CRLF3: variants seen among roughly 807,000 people sequenced by gnomAD.
CRLF3 encodes the protein cytokine receptor-like factor 3.
CRLF3 carries 33 observed loss-of-function variants against 55.0 expected under a neutral mutation model. That is an observed-to-expected ratio of 0.60 (90% confidence interval 0.46 to 0.80). CRLF3 has a LOEUF of 0.80. CRLF3 is among the 30% of genes least tolerant of loss of function. The pLI, the probability that CRLF3 is intolerant of heterozygous loss-of-function variation, is 0.00. For missense variants in CRLF3, 494 were observed against 538.4 expected (o/e 0.92, Z 0.82); for synonymous variants, 238 against 196.8 (o/e 1.21, Z -1.75).
chr17:30,787,916 C>G (rs994679892), intron 6 of CRLF3, among the ~76,000 whole-genome samples: 33 of 152,000 alleles, frequency 2.2e-4, no homozygotes, highest in African/African-American at 7.7e-4. Flanking sequence ...GAGAGGGTCA[C>G]TTGAACCTGT....
intron 6 of CRLF3, among the ~76,000 whole-genome samples, chr17:30,790,408 C>G (rs1244133797): frequency 1.3e-5 from 2 of 151,764 alleles, no homozygotes; most frequent in African/African-American, 4.8e-5. Flanking sequence ...AACATGAAAA[C>G]AAGAAAAAAG....
rs138498404 is a variant in CRLF3 at position 30,798,883 on chromosome 17, T to C, written c.338-1485A>G. Among the ~76,000 whole-genome samples, 27 of 151,980 alleles carry C rather than the reference T, an allele frequency of 1.8e-4. No homozygotes were observed. In the East Asian group the frequency reaches 4.5e-3, roughly 25 times the overall value. ...AATAAAATCCTCAAAATTCCATAAG[T>C]AAGTTTCTATCCCTCAGGAGAATAG... On this transcript the variant is annotated intron_variant, in intron 2 of 7. Coordinates refer to ENST00000324238, the MANE Select transcript of CRLF3 (RefSeq NM_015986.4).
At position 30,793,515 on chromosome 17, in the gene CRLF3, T is replaced by C. The variant is rs747594834; in HGVS notation, c.761A>G (p.Asp254Gly). The change falls in exon 5 of 8, where the codon GAT (aspartate) becomes GGT (glycine). Residue 254 changes from aspartate (D) to glycine (G), a missense_variant. By Grantham distance (94) the Asp-to-Gly change is moderately conservative. Coordinates refer to ENST00000324238, the MANE Select transcript of CRLF3 (RefSeq NM_015986.4). ...DYQFRVCARG[D>G]GRQEWSPWSV... ...CCAAGGACTCCACTCCTGTCGGCCA[T>C]CTCCTCGGGCGCAGACTCTGAACTG... 6.2e-7 allele frequency: 1 copy of C among 1,614,104 alleles called. No homozygotes were observed. Among genetic ancestry groups the C allele is most frequent in the South Asian group, 1.1e-5 (1 of 91,078 alleles).
chr17:30,799,056 G>A (rs962836222), intron 2 of CRLF3, among the ~76,000 whole-genome samples: 1 of 152,048 alleles, frequency 6.6e-6, no homozygotes, highest in Non-Finnish European at 1.5e-5. Context: ...GGCAAATCAC[G>A]AGGTCAGGAG....
chr17:30,815,037 C>T (rs116987446), intron 1 of CRLF3, among the ~76,000 whole-genome samples: 1 of 151,550 alleles, frequency 6.6e-6, no homozygotes. Flanking sequence ...CAAAAACATA[C>T]CTCTATAACA....
rs1257041941 is a variant in CRLF3 at position 30,784,305 on chromosome 17, A to G, written c.1211T>C (p.Val404Ala). 5 of 1,614,170 alleles carry G rather than the reference A, an allele frequency of 3.1e-6. No homozygotes were observed. Among genetic ancestry groups the G allele is most frequent in the Admixed American group, 3.3e-5 (2 of 60,002 alleles). The change falls in exon 8 of 8, where the codon GTA becomes GCA. Residue 404 changes from valine to alanine, a missense_variant. Val to Ala is a moderately conservative substitution (Grantham distance 64, BLOSUM62 0). Transcript: ENST00000324238. ...NNEGGHFKLRVTISSNNREVV... is the reference protein window; with the variant it reads ...NNEGGHFKLRATISSNNREVV... ...TTCTCTATTATTTGAACTTATAGTT[A>G]CTCGAAGCTTGAAGTGTCCACCTTC...
chr17:30,802,372 C>G (rs55940561), intron 2 of CRLF3, among the ~76,000 whole-genome samples: 20,631 of 151,928 alleles, frequency 0.14, 1,502 homozygotes, highest in South Asian at 0.25. Context: ...CGCCCACCTC[C>G]ACCTCCCAAA....
intron 1 of CRLF3, among the ~76,000 whole-genome samples, chr17:30,816,008 G>A (rs1237870137): frequency 6.6e-6 from 1 of 150,482 alleles, no homozygotes; most frequent in African/African-American, 2.4e-5. Flanking sequence ...TGTAGGCCGG[G>A]CATGGTGGCT....
At chr17:30,791,322 C>T (rs932540134) in intron 6 of CRLF3, among the ~76,000 whole-genome samples, 2 of 152,046 alleles carry the variant, frequency 1.3e-5, no homozygotes, top group African/African-American at 4.8e-5. Context: ...CCACCCACCT[C>T]AGCCTCCCGA....
At chr17:30,790,712 C>T (rs940722317) in intron 6 of CRLF3, 1 of 143,554 alleles carries the variant, frequency 7.0e-6, no homozygotes, top group African/African-American at 2.6e-5. Context: ...CGCCTCCAGG[C>T]TTCCAGTGAT....
intron 6 of CRLF3, among the ~76,000 whole-genome samples, chr17:30,787,931 T>A (rs1971686764): frequency 6.6e-6 from 1 of 151,758 alleles, no homozygotes; most frequent in Non-Finnish European, 1.5e-5. Flanking sequence ...ACCTGTGAGA[T>A]GGCGATTGCA....
intron 4 of CRLF3, among the ~76,000 whole-genome samples, chr17:30,795,308 C>CT (rs779782077): frequency 1.4e-5 from 2 of 147,842 alleles, no homozygotes; most frequent in Non-Finnish European, 3.0e-5. Flanking sequence ...TGGAGAAACT[C>CT]TGTCTCTACT....
intron 2 of CRLF3, among the ~76,000 whole-genome samples, chr17:30,798,581 A>G (rs1035488919): frequency 3.3e-5 from 5 of 152,052 alleles, no homozygotes; most frequent in Admixed American, 2.6e-4. Context: ...GCTCATGCCT[A>G]TAATCTCAGC....
intron 1 of CRLF3, among the ~76,000 whole-genome samples, chr17:30,807,677 C>T (rs901210016): frequency 6.6e-6 from 1 of 151,764 alleles, no homozygotes; most frequent in Middle Eastern, 3.4e-3. Flanking sequence ...AGATTACAGG[C>T]GCATGCCACC....
At chr17:30,792,273 T>C (rs954525417) in intron 6 of CRLF3, 167 bp downstream of exon 6, 6 of 556,964 alleles carry the variant, frequency 1.1e-5, no homozygotes, top group Non-Finnish European at 1.6e-5. Context: ...ACCCTGTGAA[T>C]ACAGATGAGA....
chr17:30,792,820 T>C (rs1287391766), intron 5 of CRLF3: 11 of 337,290 alleles, frequency 3.3e-5, no homozygotes, highest in Non-Finnish European at 5.4e-5. Flanking sequence ...AATAAAATCA[T>C]TGTACAAGCA....
chr17:30,785,449 C>T (rs1207540208), intron 7 of CRLF3, among the ~76,000 whole-genome samples: 2 of 151,890 alleles, frequency 1.3e-5, no homozygotes, highest in Admixed American at 6.6e-5. Context: ...TAGAACAATG[C>T]CTGGTACATG....
intron 6 of CRLF3, among the ~76,000 whole-genome samples, chr17:30,790,265 TTAGAGGAGAGCTTGTTACAC>T (rs1971761549): frequency 6.7e-6 from 1 of 149,006 alleles, no homozygotes; most frequent in African/African-American, 2.6e-5. Flanking sequence ...GACTTAAAAC[TTAGAGGAGAGCTTGTTACAC>T]TAAGGTGAGT....
chr17:30,804,242 A>G, intron 1 of CRLF3, 134 bp from the exon 2 acceptor site: 1 of 648,780 alleles, frequency 1.5e-6, no homozygotes, highest in Non-Finnish European at 2.6e-6. Context: ...AACTGAAATT[A>G]TATTTAAGGT....
Sources: gnomAD v4.1 joint callset for allele counts (sites outside exome capture counted in the v4.1 genomes callset) on GRCh38, gnomAD v4.1.1 for gene constraint, MANE v1.5 for transcripts, NCBI Gene and HGNC (gene_info 2026-07-23, HGNC 2026-07-21) for gene names.